Variants in RP1L1 observed in about 807,000 individuals in gnomAD.
The protein encoded by RP1L1 is retinitis pigmentosa 1-like 1 protein.
RP1L1 carries 27 observed loss-of-function variants against 15.7 expected under a neutral mutation model. The ratio of observed to expected loss-of-function variants is 1.72; its 90% CI spans 1.27 to 2.38. RP1L1 has a LOEUF of 2.38. Among genes scored for constraint, RP1L1 ranks in the 30% most tolerant of loss-of-function variants. The pLI, the probability that RP1L1 is intolerant of heterozygous loss-of-function variation, is 0.00. For synonymous variants in RP1L1, 1,813 were observed against 1,276.7 expected, an observed-to-expected ratio of 1.42 and a Z score of -8.96; for missense variants, 4,798 against 3,075.9, an observed-to-expected ratio of 1.56 and a Z score of -13.24.
rs1418740934 is a variant in RP1L1, at chr8:10,609,539, G to T, written c.4559C>A (p.Ser1520Tyr). 1.9e-6 allele frequency: 3 copies of T among 1,606,566 alleles called. No individual in the cohort carries two copies. The highest frequency in any genetic ancestry group is 2.5e-6 in the Non-Finnish European group (3 of 1,177,654). Residue 1520 changes from serine to tyrosine, a missense_variant, in exon 4 of 4, where the codon TCC (serine) becomes TAC (tyrosine). Ser to Tyr is a moderately radical substitution (Grantham distance 144, BLOSUM62 -2). Transcript: ENST00000382483. ...CTTCTCCGTCTTCTTCAGTAACACGGACACCCAGATGGGGTCGCAGTCCAG... is the reference window on the plus strand; with the variant it reads ...CTTCTCCGTCTTCTTCAGTAACACGTACACCCAGATGGGGTCGCAGTCCAG... ...AALDCDPIWV[S>Y]VLLKKTEKAF...
In RP1L1 at chr8:10,608,892, G is replaced by A. The variant is rs753101871; in HGVS notation, c.5206C>T (p.Gln1736Ter). 5.0e-6 allele frequency: 8 copies of A among 1,614,004 alleles called. No homozygotes were observed. Among genetic ancestry groups the A allele is most frequent in the Non-Finnish European group, 6.8e-6 (8 of 1,180,032 alleles). The change falls in exon 4 of 4, where the codon CAG (glutamine) becomes TAG (stop). Residue 1736 changes from glutamine to a stop codon, truncating the protein, a stop_gained. Coordinates refer to ENST00000382483, the MANE Select transcript of RP1L1 (RefSeq NM_178857.6). LOFTEE classifies it low-confidence loss of function (END_TRUNC). ...AEGGLGPGLSQGPGVDEGEDG... is the reference protein window; with the variant it reads ...AEGGLGPGLS ...TCACCCTCGTCCACTCCAGGCCCCTGGCTCAGCCCCGGCCCCAGCCCTCCC... is the reference window on the plus strand; with the variant it reads ...TCACCCTCGTCCACTCCAGGCCCCTAGCTCAGCCCCGGCCCCAGCCCTCCC...
Position 10,611,343 on chromosome 8 carries a change from A to AC in RP1L1, c.2754dup (p.Ser919ValfsTer56), listed in dbSNP as rs752895885. The AC allele has an allele frequency of 6.2e-7, 1 of 1,611,810 alleles. No homozygotes were observed. The highest frequency in any genetic ancestry group is 1.1e-5 in the South Asian group (1 of 91,032). On this transcript the variant is annotated frameshift_variant, in exon 4 of 4. Transcript: ENST00000382483. LOFTEE classifies it low-confidence loss of function (END_TRUNC). Reference sequence around the variant, plus strand: ...GTCTTCTCCTCGGACAGCCCCCGAGACCCCGCACCCTGGCTGGCACTGCTT... The same window carrying AC: ...GTCTTCTCCTCGGACAGCCCCCGAGACCCCCGCACCCTGGCTGGCACTGCTT...
At position 10,607,266 on chromosome 8, in the gene RP1L1, T is replaced by G. The variant is rs780335745; in HGVS notation, c.6832A>C (p.Thr2278Pro). Residue 2278 changes from threonine (T) to proline (P), a missense_variant, in exon 4 of 4, where the codon ACT (threonine) becomes CCT (proline). By Grantham distance (38) the Thr-to-Pro change is conservative (BLOSUM62 -1). Coordinates refer to ENST00000382483, the MANE Select transcript of RP1L1 (RefSeq NM_178857.6). Reference protein sequence around the residue: ...SSSPVPEDRPTPPPSPGGDTP... With the variant: ...SSSPVPEDRPPPPPSPGGDTP... Reference sequence around the variant, plus strand: ...TCTCCACCTGGGGAAGGGGGTGGAGTGGGCCTGTCCTCAGGGACTGGGCTG... The same window carrying G: ...TCTCCACCTGGGGAAGGGGGTGGAGGGGGCCTGTCCTCAGGGACTGGGCTG... 3.1e-6 allele frequency: 5 copies of G among 1,613,850 alleles called. No homozygotes were observed. Among genetic ancestry groups the G allele is most frequent in the Admixed American group, 3.3e-5 (2 of 59,994 alleles).
chr8:10,608,752 A>G lies in RP1L1; in HGVS notation c.5346T>C (p.Ser1782=). Residue 1782 remains serine (S), a synonymous_variant, in exon 4 of 4, where the codon AGT becomes AGC. Transcript: ENST00000382483. Reference sequence around the variant, plus strand: ...CAGCTTCCCCCAACTCACTGCCCGCACTGGTTTCACTGTTGTGGGTTTTCC... The same window carrying G: ...CAGCTTCCCCCAACTCACTGCCCGCGCTGGTTTCACTGTTGTGGGTTTTCC... The part of the protein sequence containing the change: ...REGKTHNSET[S]AGSELGEAEQ... 6.2e-7 allele frequency: 1 copy of G among 1,613,858 alleles called. No individual in the cohort carries two copies. Among genetic ancestry groups the G allele is most frequent in the Non-Finnish European group, 8.5e-7 (1 of 1,179,968 alleles).
At chr8:10,623,472 T>A (rs545718348) in intron 1 of RP1L1, among the ~76,000 whole-genome samples, 18 of 152,172 alleles carry the variant, frequency 1.2e-4, no homozygotes, top group African/African-American at 4.3e-4. Context: ...AGCATTACCA[T>A]GTTCCCACCA....
chr8:10,611,072 G>A lies in RP1L1; in HGVS notation c.3026C>T (p.Ala1009Val), dbSNP rs751300307. 4.6e-5 allele frequency: 74 copies of A among 1,612,712 alleles called. No homozygotes were observed. Among genetic ancestry groups the A allele is most frequent in the East Asian group, 4.5e-4 (20 of 44,874 alleles). Reference sequence around the variant, plus strand: ...GTCCCCTTCCAGGGACTGCTGTCCCGCCTGAGCTGGCTCCCCCAGGCCTTC... The same window carrying A: ...GTCCCCTTCCAGGGACTGCTGTCCCACCTGAGCTGGCTCCCCCAGGCCTTC... ...SLEGLGEPAQAGQQSLEGDPG... is the reference protein window; with the variant it reads ...SLEGLGEPAQVGQQSLEGDPG... The change falls in exon 4 of 4, where the codon GCG becomes GTG. Residue 1009 changes from alanine to valine, a missense_variant. Physicochemically the swap from Ala to Val is moderately conservative, Grantham distance 64. Coordinates refer to ENST00000382483, the MANE Select transcript of RP1L1 (RefSeq NM_178857.6).
At chr8:10,631,326 CACACACAT>C (rs1563135278) in intron 1 of RP1L1, among the ~76,000 whole-genome samples, 844 of 48,402 alleles carry the variant, frequency 0.017, 24 homozygotes, top group African/African-American at 0.032. Context: ...CACACACGCA[CACACACAT>C]GCACACACAC....
chr8:10,629,826 T>G (rs1488872590), intron 1 of RP1L1, among the ~76,000 whole-genome samples: 1 of 151,338 alleles, frequency 6.6e-6, no homozygotes, highest in African/African-American at 2.4e-5. Flanking sequence ...GGAAGGCTGC[T>G]GTGGGCCCTG....
rs1465375777 is a variant in RP1L1, at chr8:10,609,618, G to C, written c.4480C>G (p.Gln1494Glu). 2.5e-6 allele frequency: 4 copies of C among 1,607,254 alleles called. No homozygotes were observed. The highest frequency in any genetic ancestry group is 2.5e-6 in the Non-Finnish European group (3 of 1,179,938). ...TMMGQEHTQA[Q>E]PTQGAAERSS... ...CTCTCTGCAGCCCCCTGGGTGGGTT[G>C]GGCCTGCGTGTGCTCTTGGCCCATC... Residue 1494 changes from glutamine to glutamate, a missense_variant, in exon 4 of 4, where the codon CAA becomes GAA. Coordinates refer to ENST00000382483, the MANE Select transcript of RP1L1 (RefSeq NM_178857.6).
At chr8:10,633,518 C>T (rs925297638) in intron 1 of RP1L1, among the ~76,000 whole-genome samples, 4 of 152,188 alleles carry the variant, frequency 2.6e-5, no homozygotes, top group East Asian at 1.9e-4. Flanking sequence ...GAGCATGCTT[C>T]GCCCCACAAA....
At chr8:10,613,962 C>T (rs1797923926) in intron 3 of RP1L1, among the ~76,000 whole-genome samples, 1 of 152,190 alleles carries the variant, frequency 6.6e-6, no homozygotes, top group South Asian at 2.1e-4. Flanking sequence ...GTTTTCTGAA[C>T]CGTAAAATAA....
chr8:10,610,249 C>G lies in RP1L1; in HGVS notation c.3849G>C (p.Gln1283His). ...EDEAERDSEE[Q>H]RASSNLEQLA... is the part of the protein sequence containing the mutation. ...ACTGCTCCAGGTTCGAGCTCGCCCT[C>G]TGCTCCTCACTGTCTCTTTCTGCTT... Residue 1283 changes from glutamine to histidine, a missense_variant, in exon 4 of 4, where the codon CAG becomes CAC. Coordinates refer to ENST00000382483, the MANE Select transcript of RP1L1 (RefSeq NM_178857.6). The G allele has an allele frequency of 6.2e-7, 1 of 1,614,136 alleles. No homozygotes were observed. Among genetic ancestry groups the G allele is most frequent in the Non-Finnish European group, 8.5e-7 (1 of 1,180,040 alleles).
rs756787723 is a variant in RP1L1 at position 10,610,753 on chromosome 8, G to A, written c.3345C>T (p.Ala1115=). ...RPMARRLSCS[A]GALITCLASL... is the part of the protein sequence containing the mutation. ...TGGCCAGACAAGTAATGAGGGCCCC[G>A]GCTGAGCAGCTGAGCCTCCTGGCCA... The change falls in exon 4 of 4, where the codon GCC becomes GCT. Residue 1115 remains alanine, a synonymous_variant. Coordinates refer to ENST00000382483, the MANE Select transcript of RP1L1 (RefSeq NM_178857.6). The A allele has an allele frequency of 1.2e-5, 20 of 1,613,300 alleles. No homozygotes were observed. Among genetic ancestry groups the A allele is most frequent in the African/African-American group, 5.3e-5 (4 of 74,944 alleles).
intron 1 of RP1L1, among the ~76,000 whole-genome samples, chr8:10,654,586 C>T (rs961621350): frequency 1.3e-5 from 2 of 152,142 alleles, no homozygotes; most frequent in African/African-American, 4.8e-5. Context: ...CTGACTCCAG[C>T]GACTGCATTG....
intron 1 of RP1L1, among the ~76,000 whole-genome samples, chr8:10,630,174 C>T (rs934031188): frequency 6.6e-6 from 1 of 152,250 alleles, no homozygotes; most frequent in African/African-American, 2.4e-5. Flanking sequence ...CCTTGACCCC[C>T]AGCTGGGAGT....
rs767785821 is a variant in RP1L1 at position 10,622,839 on chromosome 8, C to A, written c.363G>T (p.Glu121Asp). Residue 121 changes from glutamate to aspartate, a missense_variant, in exon 2 of 4, where the codon GAG becomes GAT. Physicochemically the swap from Glu to Asp is conservative, Grantham distance 45. Coordinates refer to ENST00000382483, the MANE Select transcript of RP1L1 (RefSeq NM_178857.6). ...KTPSGPGRPQ[E>D]RNPTAQQLRD... ...GCAACTGCTGAGCAGTGGGGTTTCT[C>A]TCCTGTGGCCGGCCTGGTCCACTGG... 3 of 1,613,174 alleles carry A rather than the reference C, an allele frequency of 1.9e-6. No homozygotes were observed. Among genetic ancestry groups the A allele is most frequent in the Non-Finnish European group, 2.5e-6 (3 of 1,179,356 alleles).
Position 10,612,028 on chromosome 8 carries a change from A to G in RP1L1, c.2070T>C (p.Pro690=). The G allele has an allele frequency of 6.2e-7, 1 of 1,613,896 alleles. No individual in the cohort carries two copies. The highest frequency in any genetic ancestry group is 1.1e-5 in the South Asian group (1 of 91,088). Residue 690 remains proline (P), a synonymous_variant, in exon 4 of 4, where the codon CCT becomes CCC. Coordinates refer to ENST00000382483, the MANE Select transcript of RP1L1 (RefSeq NM_178857.6). ...SSVTKQVPRP[P]ERRRACQDGS... ...CATCCTGGCAGGCCCTTCGCCGCTC[A>G]GGAGGCCTCGGCACTTGCTTGGTTA...
At chr8:10,634,460 A>C (rs1483865772) in intron 1 of RP1L1, among the ~76,000 whole-genome samples, 1 of 152,086 alleles carries the variant, frequency 6.6e-6, no homozygotes, top group East Asian at 1.9e-4. Flanking sequence ...ACAAGTGGGG[A>C]AGATCAACAC....
intron 1 of RP1L1, among the ~76,000 whole-genome samples, chr8:10,643,661 C>G (rs944082232): frequency 2.0e-5 from 3 of 152,064 alleles, no homozygotes; most frequent in African/African-American, 7.2e-5. Flanking sequence ...GGAATGTGGT[C>G]TTTCCTGCCT....
Sources: allele counts gnomAD v4.1 joint callset (sites outside exome capture counted in the v4.1 genomes callset), GRCh38; gene constraint gnomAD v4.1.1; transcripts MANE v1.5; gene names NCBI Gene and HGNC (gene_info 2026-07-23, HGNC 2026-07-21).